The following DLGAP4 variants were observed in gnomAD, a reference collection of about 807,000 sequenced individuals.
DLGAP4 encodes the protein DLG associated protein 4, also known as disks large-associated protein 4.
A neutral mutation model predicts 86.9 loss-of-function variants in DLGAP4; 18 were observed. The observed-to-expected ratio is 0.21, with a 90% CI of 0.14 to 0.31. The LOEUF is 0.31. Ranked by LOEUF, DLGAP4 falls within the 10% of genes least tolerant of loss-of-function variation. The pLI is 1.00. For synonymous variants in DLGAP4, 548 were observed against 574.3 expected, an observed-to-expected ratio of 0.95 and a Z score of 0.65; for missense variants, 1,085 against 1,362.6, an observed-to-expected ratio of 0.80 and a Z score of 3.21.
intron 1 of DLGAP4, among the ~76,000 whole-genome samples, chr20:36,366,456 C>T (rs965550660): frequency 6.6e-6 from 1 of 152,182 alleles, no homozygotes; most frequent in Non-Finnish European, 1.5e-5. Flanking sequence ...CGCTCTCACA[C>T]GAGAGTGCCA....
At chr20:36,341,416 GC>G (rs2065378970) in intron 1 of DLGAP4, among the ~76,000 whole-genome samples, 1 of 152,126 alleles carries the variant, frequency 6.6e-6, no homozygotes, top group South Asian at 2.1e-4. Context: ...CCCAACCCCA[GC>G]CCCTAGCAAA....
intron 1 of DLGAP4, among the ~76,000 whole-genome samples, chr20:36,317,502 G>A (rs1367188476): frequency 7.5e-6 from 1 of 132,590 alleles, no homozygotes; most frequent in South Asian, 2.4e-4. Flanking sequence ...TGCCCAGGCC[G>A]GAGTACAGTG....
At chr20:36,413,136 C>T (rs542875975) in intron 2 of DLGAP4, among the ~76,000 whole-genome samples, 15 of 151,722 alleles carry the variant, frequency 9.9e-5, no homozygotes, top group African/African-American at 3.4e-4. Flanking sequence ...TGTGCCACCA[C>T]ACCTGGCTAT....
chr20:36,430,843 TA>T (rs1203754299), intron 2 of DLGAP4, among the ~76,000 whole-genome samples: 1 of 151,136 alleles, frequency 6.6e-6, no homozygotes, highest in Non-Finnish European at 1.5e-5. Flanking sequence ...TAATCCCAGC[TA>T]CTCGGCAGGC....
At chr20:36,507,911 C>CA (rs778193870) in intron 10 of DLGAP4, 2 of 152,254 alleles carry the variant, frequency 1.3e-5, no homozygotes, top group Non-Finnish European at 2.9e-5. Flanking sequence ...AAGGATGACT[C>CA]AAAGGCCAGG....
intron 2 of DLGAP4, among the ~76,000 whole-genome samples, chr20:36,392,800 A>G (rs1273985454): frequency 6.6e-6 from 1 of 152,246 alleles, no homozygotes; most frequent in Non-Finnish European, 1.5e-5. Flanking sequence ...TGAGGTTATC[A>G]GTCTGGTGGA....
intron 2 of DLGAP4, among the ~76,000 whole-genome samples, chr20:36,387,090 TA>T (rs2031625458): frequency 6.6e-6 from 1 of 152,224 alleles, no homozygotes; most frequent in Non-Finnish European, 1.5e-5. Context: ...TCTGTGTTAA[TA>T]AACACTGCTA....
intron 8 of DLGAP4, chr20:36,499,180 G>A: frequency 1.1e-5 from 16 of 1,471,186 alleles, no homozygotes; most frequent in Non-Finnish European, 1.5e-5. Context: ...CTTTGTGTGT[G>A]TGTGTGTGTT....
chr20:36,520,091 A>G (rs563925876), intron 10 of DLGAP4, among the ~76,000 whole-genome samples: 1 of 151,876 alleles, frequency 6.6e-6, no homozygotes, highest in South Asian at 2.1e-4. Flanking sequence ...CTTGATAGCT[A>G]TCTTAATGGG....
chr20:36,404,528 G>T (rs1229303442), intron 2 of DLGAP4, among the ~76,000 whole-genome samples: 1 of 152,170 alleles, frequency 6.6e-6, no homozygotes, highest in Non-Finnish European at 1.5e-5. Flanking sequence ...ATCCCACATA[G>T]ATTAGATCCT....
At chr20:36,338,112 G>A (rs946139824) in intron 1 of DLGAP4, among the ~76,000 whole-genome samples, 1 of 152,262 alleles carries the variant, frequency 6.6e-6, no homozygotes, top group Non-Finnish European at 1.5e-5. Flanking sequence ...TGGGAAGGTT[G>A]CAGGGTTGGG....
chr20:36,443,382 C>T (rs185560285), intron 6 of DLGAP4, among the ~76,000 whole-genome samples: 1 of 152,252 alleles, frequency 6.6e-6, no homozygotes, highest in East Asian at 1.9e-4. Context: ...GACCAAAAAC[C>T]AGGGGCAGGA....
intron 7 of DLGAP4, among the ~76,000 whole-genome samples, chr20:36,451,216 AG>A (rs2033727139): frequency 6.6e-6 from 1 of 152,184 alleles, no homozygotes; most frequent in African/African-American, 2.4e-5. Flanking sequence ...GAGTGCCAAA[AG>A]CCATACCCAT....
intron 7 of DLGAP4, among the ~76,000 whole-genome samples, chr20:36,482,107 TTCGTCTCA>T (rs2147709853): frequency 6.6e-6 from 1 of 152,306 alleles, no homozygotes; most frequent in African/African-American, 2.4e-5. Context: ...TCCTGCACTA[TTCGTCTCA>T]TCCCAACTCT....
At chr20:36,493,655 G>GCAGCCCAGCC (rs904665680) in intron 7 of DLGAP4, among the ~76,000 whole-genome samples, 3 of 152,166 alleles carry the variant, frequency 2.0e-5, no homozygotes, top group Admixed American at 1.3e-4. Flanking sequence ...CCAAACACCG[G>GCAGCCCAGCC]CAGCCCAGCC....
intron 7 of DLGAP4, among the ~76,000 whole-genome samples, chr20:36,465,656 G>C (rs543310406): frequency 5.9e-5 from 9 of 152,226 alleles, no homozygotes; most frequent in African/African-American, 1.9e-4. Flanking sequence ...ACCACCTCCC[G>C]TGGCTTTCTC....
chr20:36,422,718 G>A (rs1473315390), intron 2 of DLGAP4, among the ~76,000 whole-genome samples: 3 of 152,180 alleles, frequency 2.0e-5, no homozygotes, highest in African/African-American at 7.2e-5. Flanking sequence ...TCTCACTCTG[G>A]CATGTGGGGG....
intron 2 of DLGAP4, among the ~76,000 whole-genome samples, chr20:36,376,616 C>T (rs1280342323): frequency 6.6e-6 from 1 of 152,062 alleles, no homozygotes; most frequent in African/African-American, 2.4e-5. Context: ...GAGTGCTGCT[C>T]AAGGGGAGAG....
chr20:36,487,516 C>T (rs1042497521), intron 7 of DLGAP4, among the ~76,000 whole-genome samples: 7 of 152,154 alleles, frequency 4.6e-5, no homozygotes, highest in Non-Finnish European at 8.8e-5. Context: ...TTTCCTCAAT[C>T]CCTATCCTCC....
Sources: allele counts gnomAD v4.1 joint callset (sites outside exome capture counted in the v4.1 genomes callset), GRCh38; gene constraint gnomAD v4.1.1; transcripts MANE v1.5; gene names NCBI Gene and HGNC (gene_info 2026-07-23, HGNC 2026-07-21).